GMDS: variants seen among roughly 807,000 people sequenced by gnomAD.
GMDS encodes the protein GDP-mannose 4,6 dehydratase.
In GMDS, 20 loss-of-function variants were observed where a neutral mutation model predicts 49.9. The observed-to-expected ratio is 0.40, with a 90% CI of 0.28 to 0.58. The LOEUF (loss-of-function observed/expected upper bound fraction) is 0.58. Ranked by LOEUF, GMDS falls within the 20% of genes least tolerant of loss-of-function variation. GMDS has a pLI of 0.42. For missense variants in GMDS, 362 were observed against 481.4 expected, an observed-to-expected ratio of 0.75 and a Z score of 2.32; for synonymous variants, 177 against 178.6, an observed-to-expected ratio of 0.99 and a Z score of 0.07.
intron 4 of GMDS, among the ~76,000 whole-genome samples, chr6:2,052,143 A>AAAAAAAAC (rs1770453878): frequency 6.7e-6 from 1 of 148,930 alleles, no homozygotes; most frequent in Non-Finnish European, 1.5e-5. Flanking sequence ...AAAAAAAAAA[A>AAAAAAAAC]CAGAAAAGAA....
chr6:2,242,031 A>G (rs1294648344), intron 1 of GMDS, among the ~76,000 whole-genome samples: 1 of 152,230 alleles, frequency 6.6e-6, no homozygotes. Flanking sequence ...TTCTATCTTA[A>G]AGTAGTTCAT....
chr6:1,722,062 C>CT lies in GMDS; in HGVS notation c.987+4353dup, dbSNP rs11356149. 3.3e-3 allele frequency among the ~76,000 whole-genome samples: 264 copies of CT among 80,162 alleles called. 5 individuals carry two copies. The highest frequency in any genetic ancestry group is 7.7e-3 in the Middle Eastern group (1 of 130). The allele number at this position is 80,162 out of a possible 152,430, so 52.6% of individuals were successfully genotyped here. On this transcript the variant is annotated intron_variant, in intron 9 of 10. Transcript: ENST00000380815. The stretch of plus-strand genomic sequence containing the variant: ...TGGACTCCAGGAACTGCTATCACGT[C>CT]TTTTTTTTTTTTTTTTTTTTTTGAG...
chr6:1,937,452 C>A (rs1330508453), intron 6 of GMDS, among the ~76,000 whole-genome samples: 4 of 152,186 alleles, frequency 2.6e-5, no homozygotes, highest in Admixed American at 2.6e-4. Flanking sequence ...AACAAACTCC[C>A]ACACACTGGG....
At position 1,681,498 on chromosome 6, in the gene GMDS, T is replaced by C. The variant is rs72838839; in HGVS notation, c.987+44918A>G. ...CCATTCAGGACAAGATGGAAATCAG[T>C]GTGGCTCCAGGTGAGGAGGACCAGG... On this transcript the variant is annotated intron_variant, in intron 9 of 10. Transcript: ENST00000380815. Among the ~76,000 whole-genome samples, 1,380 of 152,226 alleles carry C rather than the reference T, an allele frequency of 9.1e-3. 6 individuals carry two copies. The highest frequency in any genetic ancestry group is 0.015 in the Non-Finnish European group (989 of 68,018).
chr6:2,038,329 G>C (rs1188256294), intron 4 of GMDS, among the ~76,000 whole-genome samples: 1 of 152,184 alleles, frequency 6.6e-6, no homozygotes, highest in African/African-American at 2.4e-5. Flanking sequence ...CACTGATAAA[G>C]TGCTTTGATA....
chr6:1,722,983 A>G (rs1288368209), intron 9 of GMDS, among the ~76,000 whole-genome samples: 1 of 152,222 alleles, frequency 6.6e-6, no homozygotes, highest in East Asian at 1.9e-4. Context: ...GTACCAAAAA[A>G]TGTTGCTCAA....
intron 4 of GMDS, among the ~76,000 whole-genome samples, chr6:2,006,913 T>C (rs892524819): frequency 3.3e-5 from 5 of 152,252 alleles, no homozygotes; most frequent in African/African-American, 1.2e-4. Context: ...CAGATGTGTT[T>C]TGAGCAATAC....
chr6:1,800,593 T>G (rs1414033681), intron 7 of GMDS, among the ~76,000 whole-genome samples: 2 of 149,132 alleles, frequency 1.3e-5, no homozygotes, highest in African/African-American at 5.0e-5. Flanking sequence ...TGAGCCACCA[T>G]GCCCAATTAA....
chr6:2,163,163 T>C (rs1028055177), intron 1 of GMDS, among the ~76,000 whole-genome samples: 1 of 152,124 alleles, frequency 6.6e-6, no homozygotes, highest in African/African-American at 2.4e-5. Context: ...TAGGCCCAGG[T>C]GACAATAATA....
intron 7 of GMDS, among the ~76,000 whole-genome samples, chr6:1,869,802 T>C (rs536337649): frequency 2.0e-5 from 3 of 152,236 alleles, no homozygotes; most frequent in South Asian, 2.1e-4. Flanking sequence ...CTTCACACTC[T>C]GTGGAGGACC....
At chr6:1,894,377 T>A (rs918190038) in intron 7 of GMDS, among the ~76,000 whole-genome samples, 1 of 152,238 alleles carries the variant, frequency 6.6e-6, no homozygotes, top group Non-Finnish European at 1.5e-5. Context: ...ATTTTATGTT[T>A]TATATTATAG....
At chr6:2,171,173 A>C (rs1268959111) in intron 1 of GMDS, among the ~76,000 whole-genome samples, 1 of 152,236 alleles carries the variant, frequency 6.6e-6, no homozygotes, top group African/African-American at 2.4e-5. Context: ...TTAAGAGTAA[A>C]GCTTATGGCA....
intron 1 of GMDS, among the ~76,000 whole-genome samples, chr6:2,156,846 G>A (rs1777137577): frequency 6.6e-6 from 1 of 151,880 alleles, no homozygotes; most frequent in South Asian, 2.1e-4. Flanking sequence ...TCAATGTTCT[G>A]TTAAAATGAG....
intron 4 of GMDS, among the ~76,000 whole-genome samples, chr6:1,979,851 G>C (rs1175358817): frequency 2.0e-5 from 3 of 152,198 alleles, no homozygotes; most frequent in Non-Finnish European, 4.4e-5. Context: ...AGACCTCTCA[G>C]TGGAAACCCT....
rs753906521 is a variant in GMDS at position 1,640,743 on chromosome 6, C to A, written c.988-16203G>T. On this transcript the variant is annotated intron_variant, in intron 9 of 10. Coordinates refer to ENST00000380815, the MANE Select transcript of GMDS (RefSeq NM_001500.4). This position sits in a 1 kb window ranked among gnomAD's most constrained non-coding sequence, Gnocchi z 4.0. Reference sequence around the variant, plus strand: ...GAGCTCATGTTCTACTGTGGGGGCACTGTCAGTAAACAGGCAATCAAGGAA... The same window carrying A: ...GAGCTCATGTTCTACTGTGGGGGCAATGTCAGTAAACAGGCAATCAAGGAA... Among the ~76,000 whole-genome samples, 3 of 152,178 alleles carry A rather than the reference C, an allele frequency of 2.0e-5. No homozygotes were observed. The highest frequency in any genetic ancestry group is 4.4e-5 in the Non-Finnish European group (3 of 68,032).
rs944251367 is a variant in GMDS, at chr6:2,245,230, T to C, written c.102+91A>G. The C allele has an allele frequency of 3.2e-5, 29 of 910,694 alleles. No individual in the cohort carries two copies. In the African/African-American group the frequency reaches 3.9e-4, roughly 12 times the overall value. 56.4% of individuals were successfully genotyped at this position (910,694 alleles called of 1,614,324 possible). On this transcript the variant is annotated intron_variant, in intron 1 of 10. Transcript: ENST00000380815. The stretch of plus-strand genomic sequence containing the variant: ...TCCGGGACGCCGAGAGGGCTGTTCC[T>C]GGAGAGACCGCAGCCCACGAGTAGC...
chr6:2,041,128 A>G lies in GMDS; in HGVS notation c.345+74643T>C, dbSNP rs190113089. 2.6e-3 allele frequency among the ~76,000 whole-genome samples: 396 copies of G among 152,312 alleles called. 2 individuals are homozygous for G. Among genetic ancestry groups the G allele is most frequent in the African/African-American group, 9.3e-3 (386 of 41,570 alleles). On this transcript the variant is annotated intron_variant, in intron 4 of 10. Transcript: ENST00000380815. The stretch of plus-strand genomic sequence containing the variant: ...TGGTTCTAAGGTAGAAAGCTAACTA[A>G]TACTCAAAAGGATATTACATCCATG...
chr6:2,170,063 C>T (rs1056532415), intron 1 of GMDS, among the ~76,000 whole-genome samples: 8 of 152,020 alleles, frequency 5.3e-5, no homozygotes, highest in South Asian at 2.1e-4. Flanking sequence ...ATCAGCCAGG[C>T]GTGGTGGCAG....
chr6:2,045,962 G>C (rs1042127512), intron 4 of GMDS, among the ~76,000 whole-genome samples: 1 of 152,146 alleles, frequency 6.6e-6, no homozygotes, highest in Admixed American at 6.6e-5. Flanking sequence ...TGTAATCCCA[G>C]AATTTTGGGA....
Sources: allele counts gnomAD v4.1 joint callset (sites outside exome capture counted in the v4.1 genomes callset), GRCh38; gene constraint gnomAD v4.1.1; non-coding constraint Gnocchi (gnomAD v3.1); transcripts MANE v1.5; gene names NCBI Gene and HGNC (gene_info 2026-07-23, HGNC 2026-07-21).